SUCLA2: variants seen among roughly 807,000 people sequenced by gnomAD.
The protein encoded by SUCLA2 is succinate--CoA ligase [ADP-forming] subunit beta, mitochondrial.
A neutral mutation model predicts 54.8 loss-of-function variants in SUCLA2; 30 were observed. The ratio of observed to expected loss-of-function variants is 0.55; its 90% CI spans 0.41 to 0.74. The LOEUF (loss-of-function observed/expected upper bound fraction) is 0.74. Among genes scored for constraint, SUCLA2 ranks in the 30% least tolerant of loss-of-function variants. The pLI is 0.00. For missense variants in SUCLA2, 476 were observed against 562.9 expected, an observed-to-expected ratio of 0.85 and a Z score of 1.56; for synonymous variants, 172 against 188.9, an observed-to-expected ratio of 0.91 and a Z score of 0.74.
chr13:48,000,837 G>C (rs958504023), intron 1 of SUCLA2: 1 of 1,138,862 alleles, frequency 8.8e-7, no homozygotes, highest in Non-Finnish European at 1.1e-6. Context: ...GCAAGTCTCA[G>C]CCCACCGTGC....
At chr13:47,976,506 A>G (rs1950014868) in intron 4 of SUCLA2, among the ~76,000 whole-genome samples, 1 of 152,148 alleles carries the variant, frequency 6.6e-6, no homozygotes, top group Non-Finnish European at 1.5e-5. Flanking sequence ...CTCAACTGAT[A>G]TGGGTGCTGA....
chr13:47,991,124 C>T (rs779613092), intron 2 of SUCLA2, among the ~76,000 whole-genome samples: 4 of 152,144 alleles, frequency 2.6e-5, no homozygotes, highest in Non-Finnish European at 4.4e-5. Flanking sequence ...GACCTTTGTC[C>T]CCCACAGAAT....
rs189486059 is a variant in SUCLA2 at position 47,996,735 on chromosome 13, G to A, written c.271+108C>T. On this transcript the variant is annotated intron_variant, in intron 2 of 10. Transcript: ENST00000646932. ...ACCTTCTATTTTAAGCAAAGAAAAT[G>A]TATTTTTTTTAAAAAAAAGCTAAAA... 5.0e-4 allele frequency: 486 copies of A among 968,308 alleles called. No individual in the cohort carries two copies. In the East Asian group the frequency reaches 8.3e-3, roughly 17 times the overall value. The allele number at this position is 968,308 out of a possible 1,614,324, so 60.0% of individuals were successfully genotyped here. A position where few individuals can be genotyped will look rare whatever the true frequency, so the allele number is the denominator to read the frequency against.
At chr13:47,985,097 G>T (rs1950090810) in intron 4 of SUCLA2, among the ~76,000 whole-genome samples, 1 of 152,160 alleles carries the variant, frequency 6.6e-6, no homozygotes, top group Admixed American at 6.5e-5. Flanking sequence ...CCCCATAGAA[G>T]TTACCTCCCG....
intron 8 of SUCLA2, among the ~76,000 whole-genome samples, chr13:47,953,450 C>A (rs1243813084): frequency 1.3e-5 from 2 of 152,136 alleles, no homozygotes; most frequent in South Asian, 4.1e-4. Flanking sequence ...GGAAATAATG[C>A]ACATTTTACA....
At chr13:47,956,613 T>C (rs1449315235) in intron 6 of SUCLA2, among the ~76,000 whole-genome samples, 1 of 152,204 alleles carries the variant, frequency 6.6e-6, no homozygotes, top group African/African-American at 2.4e-5. Context: ...TACAGAAAGT[T>C]CTTCAGGCTC....
At chr13:47,997,151 T>A in intron 1 of SUCLA2, 128 bp from the exon 2 acceptor site, 1 of 958,650 alleles carries the variant, frequency 1.0e-6, no homozygotes, top group South Asian at 1.4e-5. Context: ...TCAGAGTACC[T>A]GAATTACAGC....
intron 6 of SUCLA2, among the ~76,000 whole-genome samples, chr13:47,963,692 T>A (rs997744787): frequency 1.3e-5 from 2 of 152,104 alleles, no homozygotes; most frequent in Non-Finnish European, 2.9e-5. Flanking sequence ...AGGTGTGTTT[T>A]TATGTACGTG....
chr13:47,955,951 A>C (rs1170970283), intron 6 of SUCLA2, among the ~76,000 whole-genome samples: 3 of 152,140 alleles, frequency 2.0e-5, no homozygotes, highest in African/African-American at 7.2e-5. Flanking sequence ...TTAATACCAA[A>C]AGTCAATATT....
chr13:47,949,110 G>A, intron 9 of SUCLA2, 82 bp from the exon 10 acceptor site: 1 of 1,358,346 alleles, frequency 7.4e-7, no homozygotes, highest in Non-Finnish European at 1.1e-6. Flanking sequence ...CATGGTATAA[G>A]AATAAAACCT....
intron 6 of SUCLA2, among the ~76,000 whole-genome samples, chr13:47,966,287 G>GA (rs1949917677): frequency 6.6e-6 from 1 of 151,812 alleles, no homozygotes; most frequent in Non-Finnish European, 1.5e-5. Context: ...AAAGTAAGGG[G>GA]AAAAAAGCAC....
rs1212435650 is a variant in SUCLA2 at position 47,949,401 on chromosome 13, C to T, written c.1228+82G>A. 2.0e-6 allele frequency: 3 copies of T among 1,503,826 alleles called. No individual in the cohort carries two copies. In the African/African-American group the frequency reaches 4.1e-5, roughly 21 times the overall value. 93.2% of individuals were successfully genotyped at this position (1,503,826 alleles called of 1,614,324 possible). On this transcript the variant is annotated intron_variant, in intron 9 of 10. Coordinates refer to ENST00000646932, the MANE Select transcript of SUCLA2 (RefSeq NM_003850.3). ...TTTCAAAGACACAGCTATTTAAAAA[C>T]TATGTTTTAACAAACTGAACTCCAT... is the stretch of plus-strand genomic sequence containing the variant.
chr13:47,991,799 G>A (rs1303399765), intron 2 of SUCLA2: 1 of 152,186 alleles, frequency 6.6e-6, no homozygotes, highest in Non-Finnish European at 1.5e-5. Flanking sequence ...ACTACAACTA[G>A]AGCTGATTAG....
intron 2 of SUCLA2, among the ~76,000 whole-genome samples, chr13:47,996,448 G>A (rs867721523): frequency 1.3e-5 from 2 of 151,788 alleles, no homozygotes; most frequent in East Asian, 1.9e-4. Context: ...GGGGAAGCAC[G>A]GACCTCTCCT....
In SUCLA2 at chr13:47,971,592, G is replaced by C. The variant is rs532750682; in HGVS notation, c.663+1672C>G. On this transcript the variant is annotated intron_variant, in intron 5 of 10. Transcript: ENST00000646932. ...GAATGGAGGGGAAGCAGCACACAAG[G>C]ACAATAGAGAAAACCAGTAAAACTG... The C allele has an allele frequency of 1.7e-5, 4 of 240,682 alleles. No homozygotes were observed. The Admixed American group carries it at 2.1e-4, about 13-fold the overall frequency. The allele number at this position is 240,682 out of a possible 1,614,324, so 14.9% of individuals were successfully genotyped here.
intron 4 of SUCLA2, among the ~76,000 whole-genome samples, chr13:47,985,638 C>T (rs765595474): frequency 2.0e-5 from 3 of 152,118 alleles, no homozygotes; most frequent in Non-Finnish European, 4.4e-5. Context: ...AGTCTATCAT[C>T]GGTGGATGTT....
chr13:47,982,845 C>T (rs1165055475), intron 4 of SUCLA2, among the ~76,000 whole-genome samples: 2 of 152,106 alleles, frequency 1.3e-5, no homozygotes, highest in Admixed American at 1.3e-4. Flanking sequence ...GTTTGGGAAC[C>T]CTCCCAGACC....
At chr13:47,943,528 T>C in intron 10 of SUCLA2, 83 bp from the exon 11 acceptor site, 1 of 1,285,688 alleles carries the variant, frequency 7.8e-7, no homozygotes, top group Non-Finnish European at 1.1e-6. Context: ...CACTCAATTT[T>C]TTCCATTTAA....
intron 4 of SUCLA2, among the ~76,000 whole-genome samples, chr13:47,984,639 C>T (rs561345049): frequency 2.0e-5 from 3 of 151,986 alleles, no homozygotes; most frequent in East Asian, 1.9e-4. Context: ...AGCAGGGCAT[C>T]GTGGAATGCA....
Sources: allele counts gnomAD v4.1 joint callset (sites outside exome capture counted in the v4.1 genomes callset), GRCh38; gene constraint gnomAD v4.1.1; transcripts MANE v1.5; gene names NCBI Gene and HGNC (gene_info 2026-07-23, HGNC 2026-07-21).